The following RAD51B variants were observed in gnomAD, a reference collection of about 807,000 sequenced individuals.
RAD51B encodes RAD51 paralog B.
In RAD51B, 38 loss-of-function variants were observed where a neutral mutation model predicts 42.2. The observed-to-expected ratio is 0.90, with a 90% CI of 0.70 to 1.18. RAD51B has a LOEUF of 1.18. Among genes scored for constraint, RAD51B ranks in the 50% most tolerant of loss-of-function variants. The probability of loss-of-function intolerance (pLI) is 0.00; values close to 1 mark genes in which losing one functional copy is unlikely to be tolerated. For missense variants in RAD51B, 373 were observed against 400.7 expected (o/e 0.93, Z 0.59); for synonymous variants, 154 against 145.2 (o/e 1.06, Z -0.43).
At chr14:67,913,006 A>G (rs1348989906) in intron 7 of RAD51B, among the ~76,000 whole-genome samples, 2 of 152,082 alleles carry the variant, frequency 1.3e-5, no homozygotes, top group African/African-American at 4.8e-5. Flanking sequence ...ACCCGGCCTT[A>G]CTTCTCTAGG....
intron 7 of RAD51B, among the ~76,000 whole-genome samples, chr14:68,198,541 AATAATATGGAATTT>A (rs1382847011): frequency 6.6e-6 from 1 of 152,174 alleles, no homozygotes; most frequent in Non-Finnish European, 1.5e-5. Context: ...TGACATCTTT[AATAATATGGAATTT>A]TCCATGACCA....
intron 7 of RAD51B, among the ~76,000 whole-genome samples, chr14:68,258,810 G>A (rs991829530): frequency 1.2e-4 from 19 of 152,070 alleles, no homozygotes; most frequent in Non-Finnish European, 4.4e-5. Context: ...TTAGACTTTT[G>A]TGGTCTTAAG....
intron 10 of RAD51B, among the ~76,000 whole-genome samples, chr14:68,643,317 A>G (rs144676706): frequency 8.5e-5 from 13 of 152,342 alleles, no homozygotes; most frequent in African/African-American, 2.9e-4. Flanking sequence ...TAAAATTAAT[A>G]TAGCTACTCC....
intron 7 of RAD51B, among the ~76,000 whole-genome samples, chr14:67,943,141 G>A (rs981777274): frequency 6.6e-6 from 1 of 151,930 alleles, no homozygotes. Flanking sequence ...GCTTTCAAAA[G>A]TGATTCTAAA....
intron 10 of RAD51B, among the ~76,000 whole-genome samples, chr14:68,505,860 C>T (rs1166995961): frequency 6.6e-6 from 1 of 152,114 alleles, no homozygotes; most frequent in African/African-American, 2.4e-5. Flanking sequence ...GCCAGATTAG[C>T]CAATCTTATT....
rs544432671 is a variant in RAD51B at position 68,446,089 on chromosome 14, GATA to G, written c.958-22078_958-22076del. On this transcript the variant is annotated intron_variant, in intron 9 of 10. Transcript: ENST00000471583. ...TATAATAGCCGCTCCAGGGAATGCT[GATA>G]ATAACATTATCGGCTGCCATTTTTA... 3.4e-3 allele frequency among the ~76,000 whole-genome samples: 512 copies of G among 152,308 alleles called. 1 individual carries two copies. Among genetic ancestry groups the G allele is most frequent in the African/African-American group, 0.012 (483 of 41,562 alleles).
At chr14:68,322,315 T>C (rs1212752935) in intron 8 of RAD51B, among the ~76,000 whole-genome samples, 1 of 152,178 alleles carries the variant, frequency 6.6e-6, no homozygotes, top group East Asian at 1.9e-4. Flanking sequence ...TGACAATTAG[T>C]CCAGCTTGAT....
chr14:68,358,303 C>T (rs944798647), intron 8 of RAD51B, among the ~76,000 whole-genome samples: 9 of 152,174 alleles, frequency 5.9e-5, no homozygotes, highest in East Asian at 1.9e-4. Context: ...TTGCCACAAA[C>T]GTTCAATTTG....
chr14:68,601,780 C>T (rs2140094837), intron 10 of RAD51B, among the ~76,000 whole-genome samples: 1 of 152,246 alleles, frequency 6.6e-6, no homozygotes, highest in African/African-American at 2.4e-5. Flanking sequence ...AATGGCTTTT[C>T]CTCACTCTGC....
intron 7 of RAD51B, among the ~76,000 whole-genome samples, chr14:68,235,576 C>T (rs61985103): frequency 1.5e-3 from 220 of 148,970 alleles, no homozygotes; most frequent in African/African-American, 5.1e-3. Flanking sequence ...TAGTGGCGGG[C>T]GCCTGTAGTC....
chr14:68,440,615 G>A (rs780824838), intron 9 of RAD51B, among the ~76,000 whole-genome samples: 3 of 151,990 alleles, frequency 2.0e-5, no homozygotes, highest in Admixed American at 6.6e-5. Flanking sequence ...GCATGGTGGC[G>A]GACACCTGTA....
chr14:68,650,402 T>C (rs1892676079), intron 10 of RAD51B, among the ~76,000 whole-genome samples: 1 of 152,240 alleles, frequency 6.6e-6, no homozygotes, highest in Non-Finnish European at 1.5e-5. Flanking sequence ...TGATTGTCTG[T>C]GGTCTTTTAC....
intron 7 of RAD51B, among the ~76,000 whole-genome samples, chr14:67,974,621 A>T (rs78984801): frequency 0.071 from 10,791 of 152,124 alleles, 944 homozygotes; most frequent in African/African-American, 0.21. Flanking sequence ...AACAAGTGAA[A>T]TTTTTGTTTA....
chr14:67,855,860 T>C (rs529389092), intron 4 of RAD51B, among the ~76,000 whole-genome samples: 1 of 152,310 alleles, frequency 6.6e-6, no homozygotes, highest in East Asian at 1.9e-4. Flanking sequence ...AAATGGATGT[T>C]CCTTGAGTAC....
chr14:67,904,510 CTTTTTTT>C (rs3043929), intron 7 of RAD51B, among the ~76,000 whole-genome samples: 1 of 120,242 alleles, frequency 8.3e-6, no homozygotes, highest in Non-Finnish European at 1.7e-5. Context: ...GGAATGTTGA[CTTTTTTT>C]TTTTTTTTTT....
chr14:67,988,052 C>T (rs2075225348), intron 7 of RAD51B, among the ~76,000 whole-genome samples: 1 of 152,144 alleles, frequency 6.6e-6, no homozygotes, highest in South Asian at 2.1e-4. Flanking sequence ...TAACAACCAA[C>T]AAACAGGAAA....
intron 9 of RAD51B, among the ~76,000 whole-genome samples, chr14:68,423,860 G>A (rs548420898): frequency 6.6e-6 from 1 of 152,282 alleles, no homozygotes; most frequent in South Asian, 2.1e-4. Flanking sequence ...GCTCTGTGTG[G>A]CAACAGAACA....
At chr14:68,444,010 T>C (rs2085362641) in intron 9 of RAD51B, among the ~76,000 whole-genome samples, 1 of 152,216 alleles carries the variant, frequency 6.6e-6, no homozygotes, top group African/African-American at 2.4e-5. Context: ...AGTATGACTT[T>C]GAAGTGTATA....
intron 10 of RAD51B, among the ~76,000 whole-genome samples, chr14:68,581,476 G>A (rs780777520): frequency 1.4e-4 from 21 of 152,110 alleles, no homozygotes; most frequent in Non-Finnish European, 2.5e-4. Flanking sequence ...TTATCTGGAT[G>A]TAATCTCATC....
Sources: gnomAD v4.1 joint callset for allele counts (sites outside exome capture counted in the v4.1 genomes callset) on GRCh38, gnomAD v4.1.1 for gene constraint, MANE v1.5 for transcripts, NCBI Gene and HGNC (gene_info 2026-07-23, HGNC 2026-07-21) for gene names.